Variants in ADGRG5 observed in about 807,000 individuals in gnomAD.
ADGRG5 encodes the protein G protein-coupled receptor 114.
A neutral mutation model predicts 53.2 loss-of-function variants in ADGRG5; 37 were observed. The ratio of observed to expected loss-of-function variants is 0.70; its 90% CI spans 0.53 to 0.91. The LOEUF (loss-of-function observed/expected upper bound fraction) is 0.91. ADGRG5 is among the 40% of genes least tolerant of loss of function. ADGRG5 has a pLI of 0.00. For synonymous variants in ADGRG5, 277 were observed against 290.4 expected, an observed-to-expected ratio of 0.95 and a Z score of 0.47; for missense variants, 614 against 675.8, an observed-to-expected ratio of 0.91 and a Z score of 1.01.
rs551675947 is a variant in ADGRG5, at chr16:57,570,504, G to C, written c.1177G>C (p.Glu393Gln). 10 of 1,613,456 alleles carry C rather than the reference G, an allele frequency of 6.2e-6. No individual in the cohort carries two copies. The South Asian group carries it at 8.8e-5, about 14-fold the overall frequency. Residue 393 changes from glutamate (E) to glutamine (Q), a missense_variant, in exon 10 of 12, where the codon GAG (glutamate) becomes CAG (glutamine). By Grantham distance (29) the Glu-to-Gln change is conservative. Coordinates refer to ENST00000349457, the MANE Select transcript of ADGRG5 (RefSeq NM_001304376.3). The part of the protein sequence containing the change: ...PCTIPVFDSW[E>Q]NGTGFQNMSI... ...CACAATCCCCGTCTTCGACAGCTGG[G>C]AGAATGGCACAGGCTTCCAGAACAT...
At chr16:57,567,771 C>A in intron 8 of ADGRG5, 85 bp from the exon 9 acceptor site, 1 of 1,494,352 alleles carries the variant, frequency 6.7e-7, no homozygotes, top group South Asian at 1.3e-5. Flanking sequence ...CTCAGTTTCC[C>A]TGTCGGCATG....
chr16:57,573,847 G>A (rs921785480), intron 10 of ADGRG5, among the ~76,000 whole-genome samples: 1 of 151,950 alleles, frequency 6.6e-6, no homozygotes, highest in Non-Finnish European at 1.5e-5. Context: ...TCAGCCTCCC[G>A]AGCAGCTGGG....
At chr16:57,548,585 C>G (rs571351838) in intron 1 of ADGRG5, among the ~76,000 whole-genome samples, 1 of 152,070 alleles carries the variant, frequency 6.6e-6, no homozygotes, top group Non-Finnish European at 1.5e-5. Flanking sequence ...ATCCCTTGTG[C>G]GAGACCTTTA....
chr16:57,571,843 G>C (rs1415356500), intron 10 of ADGRG5, among the ~76,000 whole-genome samples: 1 of 151,776 alleles, frequency 6.6e-6, no homozygotes, highest in African/African-American at 2.4e-5. Flanking sequence ...CAGAGTTTCA[G>C]CATGTTGGCC....
the ADGRG5 span, among the ~76,000 whole-genome samples, chr16:57,533,378 G>A: frequency 1.3e-5 from 2 of 151,986 alleles, no homozygotes; most frequent in Admixed American, 1.3e-4. Context: ...AGACCCAAGG[G>A]CAGCCAGACC....
Position 57,574,836 on chromosome 16 carries a change from G to GGT in ADGRG5, c.1232_1233dup (p.His412CysfsTer81). 6.3e-7 allele frequency: 1 copy of GGT among 1,597,628 alleles called. No homozygotes were observed. The highest frequency in any genetic ancestry group is 8.5e-7 in the Non-Finnish European group (1 of 1,170,284). On this transcript the variant is annotated frameshift_variant, in exon 11 of 12. Transcript: ENST00000349457. LOFTEE classifies it high-confidence loss of function. The surrounding 1 kb of genome is among the most constrained non-coding windows in gnomAD (Gnocchi z 4.4). ...GCAGATGCTGGGTGCGGAGCCCCGTGGTGCACAGTGTCCTGGTCATGGGCT... is the reference window on the plus strand; with the variant it reads ...GCAGATGCTGGGTGCGGAGCCCCGTGGTGTGCACAGTGTCCTGGTCATGGGCT...
Position 57,565,106 on chromosome 16 carries a change from C to T in ADGRG5, c.502C>T (p.Leu168Phe), listed in dbSNP as rs1172936963. Residue 168 changes from leucine (L) to phenylalanine (F), a missense_variant, in exon 6 of 12, where the codon CTC becomes TTC. Transcript: ENST00000349457. The stretch of plus-strand genomic sequence containing the variant: ...GCTGAGTCATGGGCACGTGAACAAC[C>T]TCAGGGATCCTGTGAACATCAGCTT... ...AQLSHGHVNN[L>F]RDPVNISFWH... 3 of 1,613,948 alleles carry T rather than the reference C, an allele frequency of 1.9e-6. No individual in the cohort carries two copies. The highest frequency in any genetic ancestry group is 4.5e-5 in the East Asian group (2 of 44,866).
intron 4 of ADGRG5, 106 bp from the exon 5 acceptor site, chr16:57,563,742 G>A: frequency 1.4e-6 from 2 of 1,438,970 alleles, no homozygotes; most frequent in Admixed American, 3.4e-5. Flanking sequence ...GGTTCTGTGG[G>A]TGGAAACCCC....
upstream of ADGRG5, among the ~76,000 whole-genome samples, chr16:57,539,605 A>G (rs2032460810): frequency 6.6e-6 from 1 of 151,000 alleles, no homozygotes; most frequent in Admixed American, 6.6e-5. Flanking sequence ...GGGGCACGTT[A>G]CCATGACCAA....
In ADGRG5 at chr16:57,563,905, C is replaced by T. The variant is rs546977099; in HGVS notation, c.355C>T (p.Arg119Trp). ...HAMQFPAELT[R>W]DACKTRPREL... The stretch of plus-strand genomic sequence containing the variant: ...CATGCAGTTCCCCGCCGAGCTGACC[C>T]GGGACGCCTGCAAGACCCGCCCCAG... The change falls in exon 5 of 12, where the codon CGG (arginine) becomes TGG (tryptophan). Residue 119 changes from arginine to tryptophan, a missense_variant. Coordinates refer to ENST00000349457, the MANE Select transcript of ADGRG5 (RefSeq NM_001304376.3). 114 of 1,614,026 alleles carry T rather than the reference C, an allele frequency of 7.1e-5. 1 individual carries two copies. In the Admixed American group the frequency reaches 1.0e-3, roughly 15 times the overall value.
At chr16:57,568,178 G>T in intron 9 of ADGRG5, 54 bp downstream of exon 9, 1 of 1,582,984 alleles carries the variant, frequency 6.3e-7, no homozygotes. Flanking sequence ...GCAGGGTATT[G>T]ATCCCCTTTA....
In ADGRG5 at chr16:57,566,587, A is replaced by AT; in HGVS notation, c.547-11dup. ...CTCTGCACCCTATGACTGACCCAGC[A>AT]TCTCCACCCAGGAAGGCTACACCCT... On this transcript the variant is annotated splice_polypyrimidine_tract_variant and intron_variant, in intron 6 of 11. Transcript: ENST00000349457. 1 of 1,483,282 alleles carries AT rather than the reference A, an allele frequency of 6.7e-7. No individual in the cohort carries two copies. 91.9% of individuals were successfully genotyped at this position (1,483,282 alleles called of 1,614,324 possible).
At chr16:57,568,666 A>G (rs1228031098) in intron 9 of ADGRG5, among the ~76,000 whole-genome samples, 3 of 147,154 alleles carry the variant, frequency 2.0e-5, no homozygotes, top group African/African-American at 7.6e-5. Flanking sequence ...CATCTCCTTC[A>G]CCTCCACCAC....
intron 1 of ADGRG5, among the ~76,000 whole-genome samples, chr16:57,550,523 G>C (rs750911628): frequency 1.3e-5 from 2 of 152,104 alleles, no homozygotes; most frequent in African/African-American, 4.8e-5. Flanking sequence ...TCAGTTTTTT[G>C]TTGTTGTTGT....
the ADGRG5 span, among the ~76,000 whole-genome samples, chr16:57,536,950 C>T: frequency 2.6e-3 from 389 of 152,328 alleles, 1 homozygote; most frequent in East Asian, 8.7e-3. Flanking sequence ...CAAGTCTTCA[C>T]TGTTGTTACC....
Position 57,563,975 on chromosome 16 carries a change from T to G in ADGRG5, c.425T>G (p.Phe142Cys), listed in dbSNP as rs746858485. The part of the protein sequence containing the change: ...ICIYFSNTHF[F>C]KDENNSSLLN... ...ATCTACTTCTCCAACACCCACTTTT[T>G]CAAGGTCAGTGTGATGGCGGGCCAA... The change falls in exon 5 of 12, where the codon TTC (phenylalanine) becomes TGC (cysteine). Residue 142 changes from phenylalanine (F) to cysteine (C), a missense_variant. Transcript: ENST00000349457. 3.8e-5 allele frequency: 62 copies of G among 1,612,040 alleles called. No individual in the cohort carries two copies. The Middle Eastern group carries it at 4.9e-4, about 13-fold the overall frequency.
rs1166016275 is a variant in ADGRG5 at position 57,576,905 on chromosome 16, C to T, written c.*1367C>T. ...AGGCAGAAAATAGGAGCAGGATTTC[C>T]CCTGGGGAAAAGTTCTCCTGGGACA... On this transcript the variant is annotated 3_prime_UTR_variant, in exon 12 of 12. Coordinates refer to ENST00000349457, the MANE Select transcript of ADGRG5 (RefSeq NM_001304376.3). 2 of 152,176 alleles carry T rather than the reference C, an allele frequency of 1.3e-5. No individual in the cohort carries two copies. Among genetic ancestry groups the T allele is most frequent in the African/African-American group, 4.8e-5 (2 of 41,426 alleles). The allele number at this position is 152,176 out of a possible 1,614,324, so 9.4% of individuals were successfully genotyped here. A position where few individuals can be genotyped will look rare whatever the true frequency, so the allele number is the denominator to read the frequency against.
In ADGRG5 at chr16:57,574,238, C is replaced by T. The variant is rs968339778; in HGVS notation, c.1209-577C>T. On this transcript the variant is annotated intron_variant, in intron 10 of 11. Coordinates refer to ENST00000349457, the MANE Select transcript of ADGRG5 (RefSeq NM_001304376.3). The surrounding 1 kb of genome is among the most constrained non-coding windows in gnomAD (Gnocchi z 4.4). ...GCTCAGCCCTCAGTGGGCTCTCCTG[C>T]GGCTCTGTGTGCTCTCAGGTTGACA... Among the ~76,000 whole-genome samples, 5 of 152,178 alleles carry T rather than the reference C, an allele frequency of 3.3e-5. No individual in the cohort carries two copies. The highest frequency in any genetic ancestry group is 5.9e-5 in the Non-Finnish European group (4 of 68,036).
chr16:57,563,382 G>T lies in ADGRG5; in HGVS notation c.297+135G>T, dbSNP rs572910765. On this transcript the variant is annotated intron_variant, in intron 4 of 11. Coordinates refer to ENST00000349457, the MANE Select transcript of ADGRG5 (RefSeq NM_001304376.3). ...CACAGTCCAGGCTCTGCCCTAACTGGCAGTGAGTTGCCTCCTCTGTAAAAT... is the reference window on the plus strand; with the variant it reads ...CACAGTCCAGGCTCTGCCCTAACTGTCAGTGAGTTGCCTCCTCTGTAAAAT... 6.7e-6 allele frequency: 5 copies of T among 741,266 alleles called. No homozygotes were observed. The South Asian group carries it at 8.2e-5, about 12-fold the overall frequency. The allele number at this position is 741,266 out of a possible 1,614,324, so 45.9% of individuals were successfully genotyped here.
Sources: allele counts gnomAD v4.1 joint callset (sites outside exome capture counted in the v4.1 genomes callset), GRCh38; gene constraint gnomAD v4.1.1; non-coding constraint Gnocchi (gnomAD v3.1); transcripts MANE v1.5; gene names NCBI Gene and HGNC (gene_info 2026-07-23, HGNC 2026-07-21).